Variants in CDH3 observed in about 807,000 individuals in gnomAD.
CDH3 encodes the protein cadherin-3.
CDH3 carries 54 observed loss-of-function variants against 82.0 expected under a neutral mutation model. That is an observed-to-expected ratio of 0.66 (90% CI 0.53 to 0.83). The LOEUF is 0.83. Among genes scored for constraint, CDH3 ranks in the 40% least tolerant of loss-of-function variants. CDH3 has a pLI of 0.00. For missense variants in CDH3, 1,054 were observed against 1,084.6 expected (o/e 0.97, Z 0.40); for synonymous variants, 446 against 437.9 (o/e 1.02, Z -0.23).
Position 68,684,593 on chromosome 16 carries a change from T to C in CDH3, c.1193T>C (p.Phe398Ser), listed in dbSNP as rs377103227. 4.3e-6 allele frequency: 7 copies of C among 1,614,062 alleles called. No individual in the cohort carries two copies. The African/African-American group carries it at 8.0e-5, about 18-fold the overall frequency. The change falls in exon 10 of 16, where the codon TTT becomes TCT. Residue 398 changes from phenylalanine (F) to serine (S), a missense_variant. Transcript: ENST00000264012. ...CCTCTTCTCTCCTAGGGTTTGGATTTTGAGGCCAAAAACCAGCACACCCTG... is the reference window on the plus strand; with the variant it reads ...CCTCTTCTCTCCTAGGGTTTGGATTCTGAGGCCAAAAACCAGCACACCCTG... ...GILTTRKGLD[F>S]EAKNQHTLYV... is the part of the protein sequence containing the mutation.
intron 2 of CDH3, among the ~76,000 whole-genome samples, chr16:68,675,717 C>T (rs1229576658): frequency 2.0e-5 from 3 of 151,792 alleles, no homozygotes; most frequent in Non-Finnish European, 4.4e-5. Context: ...TCACTTGAAC[C>T]CAGGAGGTGG....
Position 68,698,418 on chromosome 16 carries a change from C to A in CDH3, c.*18C>A. The A allele has an allele frequency of 6.2e-7, 1 of 1,610,806 alleles. No individual in the cohort carries two copies. Among genetic ancestry groups the A allele is most frequent in the Non-Finnish European group, 8.5e-7 (1 of 1,177,698 alleles). On this transcript the variant is annotated 3_prime_UTR_variant, in exon 16 of 16. Coordinates refer to ENST00000264012, the MANE Select transcript of CDH3 (RefSeq NM_001793.6). The stretch of plus-strand genomic sequence containing the variant: ...ACGACTAGGCGGCCTGCCTGCAGGG[C>A]TGGGGACCAAACGTCAGGCCACAGA...
At chr16:68,703,638 C>T (rs11859634), downstream of CDH3, among the ~76,000 whole-genome samples, 716 of 152,340 alleles carry the variant, frequency 4.7e-3, 7 homozygotes, top group African/African-American at 0.016. Flanking sequence ...TCTCTGTCTC[C>T]GTTTTCTCAT....
intron 2 of CDH3, among the ~76,000 whole-genome samples, chr16:68,726,036 C>T (rs1379452746): frequency 1.3e-5 from 2 of 151,792 alleles, no homozygotes; most frequent in African/African-American, 2.4e-5. Flanking sequence ...TCCAGCCTGA[C>T]CTTGTCTCAA....
intron 12 of CDH3, among the ~76,000 whole-genome samples, chr16:68,688,503 G>A (rs919082598): frequency 2.0e-5 from 3 of 152,162 alleles, no homozygotes; most frequent in Admixed American, 2.0e-4. Flanking sequence ...CAGAAGAATC[G>A]CTTGAAGCCG....
rs551808264 is a variant in CDH3 at position 68,683,844 on chromosome 16, G to T, written c.1183-739G>T. Among the ~76,000 whole-genome samples the T allele has an allele frequency of 7.9e-5, 12 of 151,742 alleles. No individual in the cohort carries two copies. The South Asian group carries it at 2.3e-3, about 29-fold the overall frequency. The stretch of plus-strand genomic sequence containing the variant: ...GCACTTTGGGAGGCCGAGGCAGACA[G>T]ATCACCTGAGGTTGGGAGTTCGAGA... On this transcript the variant is annotated intron_variant, in intron 9 of 15. Transcript: ENST00000264012.
intron 12 of CDH3, among the ~76,000 whole-genome samples, chr16:68,689,334 C>G (rs1022610639): frequency 6.6e-6 from 1 of 152,046 alleles, no homozygotes; most frequent in Non-Finnish European, 1.5e-5. Flanking sequence ...GAGGTCAAGA[C>G]TGTCCTGGCC....
chr16:68,654,158 C>T (rs1426372951), intron 2 of CDH3, among the ~76,000 whole-genome samples: 1 of 149,492 alleles, frequency 6.7e-6, no homozygotes, highest in Non-Finnish European at 1.5e-5. Context: ...CTCCCGGATT[C>T]AAGCGATTCT....
intron 2 of CDH3, among the ~76,000 whole-genome samples, chr16:68,671,147 T>C (rs1960873868): frequency 6.7e-6 from 1 of 149,390 alleles, no homozygotes; most frequent in Non-Finnish European, 1.5e-5. Context: ...GGATTTTAGA[T>C]TGATGTACTT....
intron 8 of CDH3, among the ~76,000 whole-genome samples, chr16:68,681,895 C>A (rs1410421316): frequency 9.8e-5 from 15 of 152,334 alleles, no homozygotes; most frequent in Admixed American, 9.8e-4. Flanking sequence ...ATTTTCCAGT[C>A]TTTGTCACAT....
intron 2 of CDH3, among the ~76,000 whole-genome samples, chr16:68,647,904 A>AACAATC (rs1217021276): frequency 6.6e-6 from 1 of 152,128 alleles, no homozygotes; most frequent in Non-Finnish European, 1.5e-5. Context: ...ATTGCTAAGG[A>AACAATC]ACAATCACCC....
chr16:68,683,681 GAAAATCCAGCCTGGACAACATGGAGAAA>G (rs1961299781), intron 9 of CDH3, among the ~76,000 whole-genome samples: 1 of 14,910 alleles, frequency 6.7e-5, no homozygotes, highest in Admixed American at 9.0e-4. Flanking sequence ...AAAAAAAAAA[GAAAATCCAGCCTGGACAACATGGAGAAA>G]AAAAAAAAAA....
Position 68,685,074 on chromosome 16 carries a change from G to A in CDH3, c.1425-131G>A, listed in dbSNP as rs113084544. The A allele has an allele frequency of 6.7e-4, 793 of 1,181,478 alleles. 6 individuals carry two copies. Among genetic ancestry groups the A allele is most frequent in the Middle Eastern group, 6.2e-3 (25 of 4,028 alleles). 73.2% of individuals were successfully genotyped at this position (1,181,478 alleles called of 1,614,324 possible). On this transcript the variant is annotated intron_variant, in intron 10 of 15. Coordinates refer to ENST00000264012, the MANE Select transcript of CDH3 (RefSeq NM_001793.6). Reference sequence around the variant, plus strand: ...CTGCTTTAGGTCCCCGTTTATGGGCGAGGTGCATTTTCCATATGATCCTGC... The same window carrying A: ...CTGCTTTAGGTCCCCGTTTATGGGCAAGGTGCATTTTCCATATGATCCTGC...
downstream of CDH3, among the ~76,000 whole-genome samples, chr16:68,704,143 C>T (rs187083648): frequency 0.049 from 7,364 of 149,292 alleles, 234 homozygotes; most frequent in Middle Eastern, 0.11. Flanking sequence ...AAAAATTAGC[C>T]GGGCGTGGTG....
intron 10 of CDH3, 124 bp from the exon 11 acceptor site, chr16:68,685,081 A>G: frequency 8.0e-7 from 1 of 1,250,938 alleles, no homozygotes; most frequent in Non-Finnish European, 1.2e-6. Flanking sequence ...GGCGAGGTGC[A>G]TTTTCCATAT....
intron 2 of CDH3, among the ~76,000 whole-genome samples, chr16:68,675,187 G>A (rs114079987): frequency 0.027 from 4,105 of 152,180 alleles, 181 homozygotes; most frequent in African/African-American, 0.092. Context: ...TTAAGGAAAG[G>A]TATTTTTAAA....
Position 68,725,791 on chromosome 16 carries a change from C to T in CDH3, c.*46-1362C>T, listed in dbSNP as rs146160561. The stretch of plus-strand genomic sequence containing the variant: ...GGATTCAGGCCAGCATGGTGGCTCA[C>T]ACCTGTAATCCCAGCACTTTGGGAG... On this transcript the variant is annotated intron_variant, in intron 2 of 2. Coordinates refer to the CDH3 transcript ENST00000569080. Among the ~76,000 whole-genome samples, 123 of 152,136 alleles carry T rather than the reference C, an allele frequency of 8.1e-4. 1 individual carries two copies. The highest frequency in any genetic ancestry group is 2.7e-3 in the African/African-American group (112 of 41,536).
chr16:68,712,667 G>T (rs1962045135), intron 1 of CDH3, among the ~76,000 whole-genome samples: 1 of 151,370 alleles, frequency 6.6e-6, no homozygotes, highest in Non-Finnish European at 1.5e-5. Context: ...TTGAACTCAG[G>T]ACCTCTCAAT....
chr16:68,656,682 A>G (rs1960417892), intron 2 of CDH3, among the ~76,000 whole-genome samples: 1 of 152,178 alleles, frequency 6.6e-6, no homozygotes, highest in Admixed American at 6.5e-5. Flanking sequence ...GGCACTGACC[A>G]TTTGGCAATC....
Sources: allele counts gnomAD v4.1 joint callset (sites outside exome capture counted in the v4.1 genomes callset), GRCh38; gene constraint gnomAD v4.1.1; transcripts MANE v1.5; gene names NCBI Gene and HGNC (gene_info 2026-07-23, HGNC 2026-07-21).